Variants in ZMIZ1 observed in about 807,000 individuals in gnomAD.
ZMIZ1 encodes zinc finger MIZ-type containing 1, also known as zinc finger MIZ domain-containing protein 1.
A neutral mutation model predicts 113.9 loss-of-function variants in ZMIZ1; 17 were observed. The observed-to-expected ratio is 0.15, with a 90% CI of 0.10 to 0.22. The LOEUF is 0.22. Ranked by LOEUF, ZMIZ1 falls within the 10% of genes least tolerant of loss-of-function variation. The probability of loss-of-function intolerance (pLI) is 1.00; values close to 1 mark genes in which losing one functional copy is unlikely to be tolerated. For synonymous variants in ZMIZ1, 607 were observed against 603.1 expected (o/e 1.01, Z -0.09); for missense variants, 1,059 against 1,477.8 (o/e 0.72, Z 4.65).
chr10:79,120,515 G>C (rs998021397), intron 2 of ZMIZ1, among the ~76,000 whole-genome samples: 4 of 152,208 alleles, frequency 2.6e-5, no homozygotes, highest in Non-Finnish European at 5.9e-5. Context: ...CTCTGTTTGT[G>C]TGTATGTTGG....
At chr10:79,157,406 CAGTT>C (rs1210787185) in intron 3 of ZMIZ1, among the ~76,000 whole-genome samples, 1 of 134,786 alleles carries the variant, frequency 7.4e-6, no homozygotes, top group Non-Finnish European at 1.7e-5. Flanking sequence ...TGTGTGTGGT[CAGTT>C]GGCAGCAAGT....
At chr10:79,105,593 A>C (rs1843526753) in intron 1 of ZMIZ1, among the ~76,000 whole-genome samples, 1 of 152,200 alleles carries the variant, frequency 6.6e-6, no homozygotes, top group Non-Finnish European at 1.5e-5. Context: ...CAGTGACTGG[A>C]TACTTGCTGG....
chr10:79,294,414 C>T (rs1453972457), intron 12 of ZMIZ1: 2 of 152,572 alleles, frequency 1.3e-5, no homozygotes, highest in Non-Finnish European at 1.5e-5. Flanking sequence ...AAACCCACAC[C>T]TCCTGCCCTC....
chr10:79,116,981 A>C (rs754112257), intron 1 of ZMIZ1, among the ~76,000 whole-genome samples: 1 of 152,202 alleles, frequency 6.6e-6, no homozygotes, highest in Non-Finnish European at 1.5e-5. Context: ...TCTCCTCCTG[A>C]TTCGCTTGGG....
At position 79,069,596 on chromosome 10, in the gene ZMIZ1, C is replaced by T. The variant is rs531285530; in HGVS notation, c.-337+326C>T. On this transcript the variant is annotated intron_variant, in intron 1 of 24. Transcript: ENST00000334512. This position sits in a 1 kb window ranked among gnomAD's most constrained non-coding sequence, Gnocchi z 4.6. ...CGCCTCCTGCCGGCGCGCCTCCAGCCCTCGCTCCCTACACCCGGGGGCCGG... is the reference window on the plus strand; with the variant it reads ...CGCCTCCTGCCGGCGCGCCTCCAGCTCTCGCTCCCTACACCCGGGGGCCGG... 6.6e-5 allele frequency among the ~76,000 whole-genome samples: 10 copies of T among 151,846 alleles called. No homozygotes were observed. Among genetic ancestry groups the T allele is most frequent in the Non-Finnish European group, 1.2e-4 (8 of 67,918 alleles).
intron 4 of ZMIZ1, among the ~76,000 whole-genome samples, chr10:79,186,599 T>C (rs560461884): frequency 6.6e-6 from 1 of 152,254 alleles, no homozygotes; most frequent in Non-Finnish European, 1.5e-5. Context: ...ATTAACTTTG[T>C]AATTAATATG....
chr10:79,126,850 G>A (rs1266914965), intron 2 of ZMIZ1, among the ~76,000 whole-genome samples: 1 of 152,160 alleles, frequency 6.6e-6, no homozygotes, highest in Non-Finnish European at 1.5e-5. Flanking sequence ...GGGAAGTATG[G>A]GCTTCCCCAG....
At chr10:79,127,589 G>A (rs1320787275) in intron 2 of ZMIZ1, among the ~76,000 whole-genome samples, 8 of 152,070 alleles carry the variant, frequency 5.3e-5, no homozygotes, top group South Asian at 2.1e-4. Flanking sequence ...GGTGGGTGGC[G>A]TTTTCCAGAG....
rs891190506 is a variant in ZMIZ1 at position 79,313,339 on chromosome 10, G to A, written c.*590G>A. On this transcript the variant is annotated 3_prime_UTR_variant, in exon 25 of 25. Transcript: ENST00000334512. ...AAGACAACGTCTCTCGGGGGCCAGGGGTCATCGGTTTGACCCCTGACCTAT... is the reference window on the plus strand; with the variant it reads ...AAGACAACGTCTCTCGGGGGCCAGGAGTCATCGGTTTGACCCCTGACCTAT... 1.3e-5 allele frequency: 2 copies of A among 156,222 alleles called. No individual in the cohort carries two copies. The highest frequency in any genetic ancestry group is 4.8e-5 in the African/African-American group (2 of 41,398). 9.7% of individuals were successfully genotyped at this position (156,222 alleles called of 1,614,324 possible). A position where few individuals can be genotyped will look rare whatever the true frequency, so the allele number is the denominator to read the frequency against.
rs527838811 is a variant in ZMIZ1 at position 79,282,497 on chromosome 10, T to A, written c.425+5172T>A. ...CGAGGGACGGCAGACGCCTGGAGGG[T>A]CCCTGGTGACTGTCATATTTGGAGA... On this transcript the variant is annotated intron_variant, in intron 8 of 24. Transcript: ENST00000334512. 2.6e-5 allele frequency among the ~76,000 whole-genome samples: 4 copies of A among 152,092 alleles called. No individual in the cohort carries two copies. The East Asian group carries it at 5.8e-4, about 22-fold the overall frequency.
intron 3 of ZMIZ1, 60 bp from the exon 4 acceptor site, chr10:79,161,993 C>T: frequency 2.5e-6 from 1 of 399,012 alleles, no homozygotes; most frequent in South Asian, 1.3e-4. Flanking sequence ...GCAGTGGCCT[C>T]ATGGTCAGTG....
chr10:79,304,143 C>T lies in ZMIZ1; in HGVS notation c.2254C>T (p.Pro752Ser). ...CPITFRRIQL[P>S]ARGHDCKHVQ... ...CATCACATTCCGGCGCATCCAGCTG[C>T]CTGCTCGAGGACACGATTGCAAGCA... The change falls in exon 19 of 25, where the codon CCT becomes TCT. Residue 752 changes from proline to serine, a missense_variant. This residue lies in a region of ZMIZ1 where 217 missense variants were observed against 426.9 expected (regional missense o/e 0.51). Coordinates refer to ENST00000334512, the MANE Select transcript of ZMIZ1 (RefSeq NM_020338.4). 1 of 1,614,076 alleles carries T rather than the reference C, an allele frequency of 6.2e-7. No homozygotes were observed. Among genetic ancestry groups the T allele is most frequent in the Non-Finnish European group, 8.5e-7 (1 of 1,179,942 alleles).
chr10:79,123,964 G>A (rs1459740310), intron 2 of ZMIZ1, among the ~76,000 whole-genome samples: 2 of 152,242 alleles, frequency 1.3e-5, no homozygotes, highest in African/African-American at 2.4e-5. Context: ...CTCCCACTGC[G>A]TGAAATCTGT....
intron 1 of ZMIZ1, among the ~76,000 whole-genome samples, chr10:79,070,087 C>T (rs889392907): frequency 2.3e-5 from 3 of 132,994 alleles, no homozygotes; most frequent in African/African-American, 8.5e-5. Flanking sequence ...GGCGGTGGCC[C>T]CGGGGGAGTG....
chr10:79,229,397 G>A (rs1849309561), intron 7 of ZMIZ1, among the ~76,000 whole-genome samples: 1 of 152,200 alleles, frequency 6.6e-6, no homozygotes, highest in African/African-American at 2.4e-5. Flanking sequence ...ATTAACAGAT[G>A]CTTCATTATA....
intron 8 of ZMIZ1, among the ~76,000 whole-genome samples, chr10:79,287,671 C>T (rs1034847938): frequency 7.2e-5 from 11 of 152,254 alleles, no homozygotes; most frequent in Non-Finnish European, 1.6e-4. Flanking sequence ...TGTGCTCACA[C>T]TCCATCACTT....
intron 4 of ZMIZ1, among the ~76,000 whole-genome samples, chr10:79,188,401 A>T (rs1464056539): frequency 1.3e-5 from 2 of 152,150 alleles, no homozygotes; most frequent in Non-Finnish European, 2.9e-5. Flanking sequence ...CCCCCGAGCC[A>T]GTCTTGCTGG....
chr10:79,083,207 G>T (rs1212035919), intron 1 of ZMIZ1, among the ~76,000 whole-genome samples: 1 of 152,226 alleles, frequency 6.6e-6, no homozygotes, highest in Non-Finnish European at 1.5e-5. Context: ...GGGTGATGGG[G>T]CTTCTTTAGG....
rs149836320 is a variant in ZMIZ1 at position 79,277,230 on chromosome 10, A to G, written c.330A>G (p.Arg110=). 5.4e-4 allele frequency: 857 copies of G among 1,587,910 alleles called. 2 individuals are homozygous for G. In the Middle Eastern group the frequency reaches 6.9e-3, roughly 13 times the overall value. Residue 110 remains arginine (R), a synonymous_variant, in exon 8 of 25, where the codon CGA becomes CGG. Transcript: ENST00000334512. The part of the protein sequence containing the change: ...CEELGRLLLL[R]HQKSRQSDPP... ...AGCTCGGCCGCCTGCTGCTGCTCCGACATCAGAAGAGCCGCCAGAGCGATC... is the reference window on the plus strand; with the variant it reads ...AGCTCGGCCGCCTGCTGCTGCTCCGGCATCAGAAGAGCCGCCAGAGCGATC...
Sources: gnomAD v4.1 joint callset for allele counts (sites outside exome capture counted in the v4.1 genomes callset) on GRCh38, gnomAD v4.1.1 for gene constraint, gnomAD v4.1.1 regional missense constraint, Gnocchi (gnomAD v3.1) non-coding constraint, MANE v1.5 for transcripts, NCBI Gene and HGNC (gene_info 2026-07-23, HGNC 2026-07-21) for gene names.